The following HTR4 variants were observed in gnomAD, a reference collection of about 807,000 sequenced individuals.
HTR4 encodes 5-hydroxytryptamine receptor 4.
HTR4 carries 16 observed loss-of-function variants against 36.8 expected under a neutral mutation model. The observed-to-expected ratio is 0.43, with a 90% CI of 0.29 to 0.66. The LOEUF (loss-of-function observed/expected upper bound fraction) is 0.66. HTR4 is among the 30% of genes least tolerant of loss of function. The probability of loss-of-function intolerance (pLI) is 0.13; values close to 1 mark genes in which losing one functional copy is unlikely to be tolerated. For missense variants in HTR4, 438 were observed against 490.9 expected, an observed-to-expected ratio of 0.89 and a Z score of 1.02; for synonymous variants, 189 against 185.1, an observed-to-expected ratio of 1.02 and a Z score of -0.17.
intron 6 of HTR4, among the ~76,000 whole-genome samples, chr5:148,504,738 G>A (rs1390985362): frequency 1.3e-5 from 2 of 152,106 alleles, no homozygotes; most frequent in Non-Finnish European, 2.9e-5. Context: ...AAAATTGATA[G>A]ACCGCTAGCA....
intron 2 of HTR4, among the ~76,000 whole-genome samples, chr5:148,561,492 G>A (rs73268373): frequency 0.21 from 31,300 of 152,124 alleles, 3,855 homozygotes; most frequent in African/African-American, 0.33. Context: ...CTCAGAGGTG[G>A]TCTCTCTTTA....
intron 2 of HTR4, among the ~76,000 whole-genome samples, chr5:148,585,494 TC>T (rs1419251986): frequency 3.3e-5 from 5 of 152,210 alleles, no homozygotes; most frequent in Admixed American, 1.3e-4. Flanking sequence ...ACCATGCTAG[TC>T]ACTGTTGATA....
At chr5:148,576,488 C>G (rs987694640) in intron 2 of HTR4, among the ~76,000 whole-genome samples, 4 of 151,850 alleles carry the variant, frequency 2.6e-5, no homozygotes, top group Admixed American at 2.0e-4. Context: ...TATATGGAAC[C>G]AATAAAGAGC....
intron 2 of HTR4, among the ~76,000 whole-genome samples, chr5:148,622,144 C>T (rs577247830): frequency 6.6e-6 from 1 of 152,278 alleles, no homozygotes; most frequent in African/African-American, 2.4e-5. Context: ...AATCTAAGAA[C>T]TGCAAATGGG....
intron 2 of HTR4, among the ~76,000 whole-genome samples, chr5:148,566,582 C>T (rs1319902145): frequency 6.6e-6 from 1 of 152,050 alleles, no homozygotes; most frequent in Non-Finnish European, 1.5e-5. Context: ...ACCATTGAGA[C>T]CCAGCTTGAG....
At chr5:148,545,029 G>C (rs1435495117) in intron 4 of HTR4, among the ~76,000 whole-genome samples, 2 of 152,204 alleles carry the variant, frequency 1.3e-5, no homozygotes, top group African/African-American at 4.8e-5. Context: ...GAACCAAACT[G>C]TTAGGACGGG....
Position 148,609,827 on chromosome 5 carries a change from A to T in HTR4, c.26+27162T>A, listed in dbSNP as rs543374890. Among the ~76,000 whole-genome samples, 4 of 152,158 alleles carry T rather than the reference A, an allele frequency of 2.6e-5. No homozygotes were observed. In the East Asian group the frequency reaches 5.8e-4, roughly 22 times the overall value. ...GTGATCCACCCACCTCAGCCTCCCA[A>T]AGTACTGGGATTACAGGCGTGAGCC... On this transcript the variant is annotated intron_variant, in intron 2 of 6. Coordinates refer to ENST00000377888, the MANE Select transcript of HTR4 (RefSeq NM_000870.7).
chr5:148,496,522 C>T (rs1756692971), intron 6 of HTR4, among the ~76,000 whole-genome samples: 1 of 152,102 alleles, frequency 6.6e-6, no homozygotes, highest in Non-Finnish European at 1.5e-5. Context: ...AACCTATGGC[C>T]AAATATGCCT....
intron 2 of HTR4, among the ~76,000 whole-genome samples, chr5:148,610,165 G>C (rs1195339901): frequency 6.6e-6 from 1 of 152,190 alleles, no homozygotes; most frequent in East Asian, 1.9e-4. Flanking sequence ...TCATAGTCTT[G>C]TGGATAGAAA....
chr5:148,569,720 G>C (rs1475378174), intron 2 of HTR4, among the ~76,000 whole-genome samples: 1 of 151,674 alleles, frequency 6.6e-6, no homozygotes, highest in Non-Finnish European at 1.5e-5. Context: ...ATAGGAGTTT[G>C]AATAAAATAA....
chr5:148,644,365 C>T (rs1292450840), intron 1 of HTR4, among the ~76,000 whole-genome samples: 1 of 148,636 alleles, frequency 6.7e-6, no homozygotes, highest in African/African-American at 2.5e-5. Flanking sequence ...CTATGAAAAC[C>T]CTCCTGTTAT....
chr5:148,619,358 T>C (rs1280156349), intron 2 of HTR4, among the ~76,000 whole-genome samples: 1 of 152,190 alleles, frequency 6.6e-6, no homozygotes, highest in Non-Finnish European at 1.5e-5. Context: ...AAACACTGCC[T>C]GTTCAAAGAA....
At chr5:148,640,611 G>A (rs1420105836) in intron 1 of HTR4, among the ~76,000 whole-genome samples, 5 of 152,180 alleles carry the variant, frequency 3.3e-5, no homozygotes, top group Non-Finnish European at 7.3e-5. Flanking sequence ...AGATCCAGCA[G>A]TGTCTTAAGA....
intron 4 of HTR4, among the ~76,000 whole-genome samples, chr5:148,544,164 C>T (rs948431702): frequency 1.3e-5 from 2 of 152,178 alleles, no homozygotes. Flanking sequence ...GCCAGCACTA[C>T]ACCGTATGCC....
chr5:148,627,340 C>T (rs561973424), intron 2 of HTR4, among the ~76,000 whole-genome samples: 14 of 138,592 alleles, frequency 1.0e-4, no homozygotes, highest in Non-Finnish European at 2.3e-4. Flanking sequence ...AGAAGTTTGT[C>T]GATTTTTTTA....
In HTR4 at chr5:148,567,093, G is replaced by A. The variant is rs1334784532; in HGVS notation, c.27-16831C>T. Among the ~76,000 whole-genome samples the A allele has an allele frequency of 2.6e-5, 4 of 152,068 alleles. No homozygotes were observed. In the East Asian group the frequency reaches 7.7e-4, roughly 29 times the overall value. ...TACTAATTGGCGTACTTCATTTTAA[G>A]AAGTTTTTAATTGCAAATGTAGCTA... On this transcript the variant is annotated intron_variant, in intron 2 of 6. Coordinates refer to ENST00000377888, the MANE Select transcript of HTR4 (RefSeq NM_000870.7).
chr5:148,624,365 T>C (rs1172601795), intron 2 of HTR4, among the ~76,000 whole-genome samples: 2 of 152,136 alleles, frequency 1.3e-5, no homozygotes, highest in Non-Finnish European at 2.9e-5. Context: ...CAATATGAAA[T>C]GCAGATAATA....
chr5:148,483,258 T>C lies in HTR4; in HGVS notation c.1112A>G (p.Gln371Arg), dbSNP rs1755976483. The change falls in exon 7 of 7, where the codon CAG becomes CGG. Residue 371 changes from glutamine to arginine, a missense_variant. Coordinates refer to ENST00000377888, the MANE Select transcript of HTR4 (RefSeq NM_000870.7). The part of the protein sequence containing the change: ...AVECGGQWES[Q>R]CHPPATSPLV... ...AGGAGAAGTTGCTGGCGGGTGACAC[T>C]GACTCTCCCACTGGCCACCACACTC... The C allele has an allele frequency of 1.2e-6, 2 of 1,613,862 alleles. No individual in the cohort carries two copies. Among genetic ancestry groups the C allele is most frequent in the Non-Finnish European group, 1.7e-6 (2 of 1,179,896 alleles).
intron 6 of HTR4, among the ~76,000 whole-genome samples, chr5:148,501,133 A>G (rs1364979623): frequency 2.0e-5 from 3 of 152,210 alleles, no homozygotes; most frequent in African/African-American, 4.8e-5. Flanking sequence ...ATAAATTTTA[A>G]TATGTATTTT....
Sources: gnomAD v4.1 joint callset for allele counts (sites outside exome capture counted in the v4.1 genomes callset) on GRCh38, gnomAD v4.1.1 for gene constraint, MANE v1.5 for transcripts, NCBI Gene and HGNC (gene_info 2026-07-23, HGNC 2026-07-21) for gene names.